FAM53B: variants seen among roughly 807,000 people sequenced by gnomAD.
The protein encoded by FAM53B is family with sequence similarity 53 member B.
In FAM53B, 12 loss-of-function variants were observed where a neutral mutation model predicts 32.7. The ratio of observed to expected loss-of-function variants is 0.37; its 90% confidence interval spans 0.24 to 0.59. FAM53B has a LOEUF of 0.59. Among genes scored for constraint, FAM53B ranks in the 20% least tolerant of loss-of-function variants. The probability of loss-of-function intolerance (pLI) is 0.72; values close to 1 mark genes in which losing one functional copy is unlikely to be tolerated. For synonymous variants in FAM53B, 234 were observed against 228.7 expected, an observed-to-expected ratio of 1.02 and a Z score of -0.21; for missense variants, 477 against 577.7, an observed-to-expected ratio of 0.83 and a Z score of 1.79.
At chr10:124,693,624 C>T (rs528252523) in intron 3 of FAM53B, among the ~76,000 whole-genome samples, 3 of 152,100 alleles carry the variant, frequency 2.0e-5, no homozygotes, top group African/African-American at 7.2e-5. Context: ...CTGCTGACAC[C>T]CGCTCCGCTC....
intron 1 of FAM53B, among the ~76,000 whole-genome samples, chr10:124,741,503 TCTC>T (rs1950199227): frequency 6.6e-6 from 1 of 152,152 alleles, no homozygotes; most frequent in Non-Finnish European, 1.5e-5. Flanking sequence ...AACACAGCTC[TCTC>T]CTCTCTGGCC....
intron 1 of FAM53B, among the ~76,000 whole-genome samples, chr10:124,714,436 A>G (rs1364464227): frequency 1.3e-5 from 2 of 152,030 alleles, no homozygotes; most frequent in African/African-American, 4.8e-5. Context: ...TCCTGCCAGC[A>G]CCACCCTCAA....
chr10:124,646,090 A>C (rs1051798450), intron 4 of FAM53B, among the ~76,000 whole-genome samples: 1 of 152,188 alleles, frequency 6.6e-6, no homozygotes, highest in Admixed American at 6.5e-5. Flanking sequence ...CGACCACAGC[A>C]ATGTTGCCCC....
intron 1 of FAM53B, among the ~76,000 whole-genome samples, chr10:124,739,049 A>C (rs1214495611): frequency 1.3e-5 from 2 of 150,010 alleles, no homozygotes; most frequent in East Asian, 1.9e-4. Flanking sequence ...AAAACAAAAA[A>C]AAAAAAACAA....
chr10:124,706,074 T>G (rs745646791), intron 2 of FAM53B, among the ~76,000 whole-genome samples: 3 of 152,222 alleles, frequency 2.0e-5, no homozygotes, highest in Non-Finnish European at 4.4e-5. Context: ...TACTGGAGGT[T>G]GTTTTGCTCG....
chr10:124,629,200 GGTT>G (rs560668577), intron 4 of FAM53B, among the ~76,000 whole-genome samples: 120 of 152,310 alleles, frequency 7.9e-4, no homozygotes, highest in African/African-American at 2.7e-3. Flanking sequence ...GGGGAGGGGT[GGTT>G]GTTGGGGACG....
intron 4 of FAM53B, among the ~76,000 whole-genome samples, chr10:124,670,155 G>A (rs945020482): frequency 4.6e-5 from 7 of 151,932 alleles, no homozygotes; most frequent in East Asian, 3.9e-4. Context: ...GAGGGCGGGC[G>A]GTGACACTCA....
At chr10:124,650,255 TGGA>T (rs1292550806) in intron 4 of FAM53B, among the ~76,000 whole-genome samples, 1 of 152,146 alleles carries the variant, frequency 6.6e-6, no homozygotes, top group Non-Finnish European at 1.5e-5. Flanking sequence ...CTCTATCGGT[TGGA>T]GGAGGCCAAA....
At chr10:124,690,434 G>A (rs151253603) in intron 3 of FAM53B, among the ~76,000 whole-genome samples, 1 of 152,336 alleles carries the variant, frequency 6.6e-6, no homozygotes, top group African/African-American at 2.4e-5. Flanking sequence ...GGGCCAGGCT[G>A]CCTAACTTGA....
intron 1 of FAM53B, among the ~76,000 whole-genome samples, chr10:124,720,875 T>C (rs976947786): frequency 1.6e-4 from 24 of 152,136 alleles, no homozygotes; most frequent in African/African-American, 5.6e-4. Flanking sequence ...TTGATAAAAA[T>C]AGCATGATAA....
chr10:124,667,396 C>T (rs1445541693), intron 4 of FAM53B: 5 of 769,966 alleles, frequency 6.5e-6, no homozygotes, highest in Non-Finnish European at 7.3e-6. Context: ...AAATGGATAA[C>T]GATGTGCCTT....
At chr10:124,740,941 T>C in intron 1 of FAM53B, among the ~76,000 whole-genome samples, 1 of 152,142 alleles carries the variant, frequency 6.6e-6, no homozygotes, top group East Asian at 1.9e-4. Context: ...AACCGGTTCT[T>C]TCAAAAGAGG....
chr10:124,622,100 A>ACAACAGAGATG lies in FAM53B; in HGVS notation c.*1131_*1141dup, dbSNP rs1395137902. 2.6e-5 allele frequency: 4 copies of ACAACAGAGATG among 152,258 alleles called. No individual in the cohort carries two copies. Among genetic ancestry groups the ACAACAGAGATG allele is most frequent in the Admixed American group, 1.3e-4 (2 of 15,290 alleles). 9.4% of individuals were successfully genotyped at this position (152,258 alleles called of 1,614,324 possible). ...CAGCTTTGTGCCGGTGGCTGGGCCT[A>ACAACAGAGATG]CAACAGAGATGCAGCCCTCAGGACT... On this transcript the variant is annotated 3_prime_UTR_variant, in exon 5 of 5. Transcript: ENST00000337318.
chr10:124,677,822 G>C (rs949756690), intron 4 of FAM53B, among the ~76,000 whole-genome samples: 3 of 152,224 alleles, frequency 2.0e-5, no homozygotes, highest in African/African-American at 7.2e-5. Context: ...GGGCAGGGTG[G>C]CCAGCAGGCC....
At chr10:124,644,267 A>G (rs1240657380) in intron 4 of FAM53B, among the ~76,000 whole-genome samples, 2 of 152,202 alleles carry the variant, frequency 1.3e-5, no homozygotes, top group Admixed American at 6.5e-5. Context: ...CTGGGCTAGC[A>G]CAGTCATGGC....
chr10:124,724,901 T>C (rs1950092631), intron 1 of FAM53B, among the ~76,000 whole-genome samples: 1 of 152,098 alleles, frequency 6.6e-6, no homozygotes, highest in Admixed American at 6.5e-5. Context: ...TTTTCGTGGA[T>C]ATGAAAGCAC....
chr10:124,702,066 T>C (rs1949917823), intron 2 of FAM53B, among the ~76,000 whole-genome samples: 2 of 152,108 alleles, frequency 1.3e-5, no homozygotes, highest in Admixed American at 1.3e-4. Context: ...CCTGGTGACT[T>C]TCCCTTGCAC....
At chr10:124,634,495 ATAGT>A (rs746696668) in intron 4 of FAM53B, among the ~76,000 whole-genome samples, 13 of 152,238 alleles carry the variant, frequency 8.5e-5, no homozygotes, top group South Asian at 2.1e-4. Context: ...TACTCTTGTG[ATAGT>A]TAGTTCTCAC....
Position 124,714,888 on chromosome 10 carries a change from C to T in FAM53B, c.-174-8001G>A, listed in dbSNP as rs543183277. On this transcript the variant is annotated intron_variant, in intron 1 of 4. Coordinates refer to ENST00000337318, the MANE Select transcript of FAM53B (RefSeq NM_014661.4). Reference sequence around the variant, plus strand: ...ATTAGCCAAAGCAACAGTGCCAGGCCCTGTGCTTACTGCAACCTCAGAGTA... The same window carrying T: ...ATTAGCCAAAGCAACAGTGCCAGGCTCTGTGCTTACTGCAACCTCAGAGTA... 5.9e-5 allele frequency among the ~76,000 whole-genome samples: 9 copies of T among 152,270 alleles called. No homozygotes were observed. The East Asian group carries it at 1.7e-3, about 29-fold the overall frequency.
Sources: gnomAD v4.1 joint callset for allele counts (sites outside exome capture counted in the v4.1 genomes callset) on GRCh38, gnomAD v4.1.1 for gene constraint, MANE v1.5 for transcripts, NCBI Gene and HGNC (gene_info 2026-07-23, HGNC 2026-07-21) for gene names.